IL20RB: variants seen among roughly 807,000 people sequenced by gnomAD.
The protein encoded by IL20RB is interleukin 20 receptor subunit beta.
A neutral mutation model predicts 33.3 loss-of-function variants in IL20RB; 21 were observed. That is an observed-to-expected ratio of 0.63 (90% CI 0.45 to 0.91). The LOEUF (loss-of-function observed/expected upper bound fraction) is 0.91, where lower values mean the gene tolerates loss of function less well. IL20RB is among the 40% of genes least tolerant of loss of function. IL20RB has a pLI of 0.00. For missense variants in IL20RB, 345 were observed against 384.8 expected (o/e 0.90, Z 0.86); for synonymous variants, 147 against 146.8 (o/e 1.00, Z -0.01).
Position 136,982,210 on chromosome 3 carries a change from G to A in IL20RB, c.266G>A (p.Cys89Tyr). ...TSHIWIPSSW[C>Y]SLTEGPECDV... ...CACATCTGGATCCCCAGCAGCTGGTGCTCACTCACTGAAGGTCCTGAGTGT... is the reference window on the plus strand; with the variant it reads ...CACATCTGGATCCCCAGCAGCTGGTACTCACTCACTGAAGGTCCTGAGTGT... Residue 89 changes from cysteine to tyrosine, a missense_variant, in exon 3 of 7, where the codon TGC (cysteine) becomes TAC (tyrosine). Transcript: ENST00000329582. The A allele has an allele frequency of 6.2e-7, 1 of 1,603,388 alleles. No individual in the cohort carries two copies.
intron 6 of IL20RB, among the ~76,000 whole-genome samples, chr3:137,002,189 G>A (rs947152143): frequency 6.6e-6 from 1 of 152,150 alleles, no homozygotes; most frequent in African/African-American, 2.4e-5. Flanking sequence ...GGACATTTGG[G>A]TTGGTTCCAA....
intron 6 of IL20RB, among the ~76,000 whole-genome samples, chr3:137,004,563 A>T (rs1031649313): frequency 7.2e-5 from 11 of 152,098 alleles, no homozygotes; most frequent in African/African-American, 2.7e-4. Flanking sequence ...AGAGGTGTTT[A>T]TAGTATTCTC....
chr3:136,985,205 G>A lies in IL20RB; in HGVS notation c.406+2855G>A, dbSNP rs374316789. Among the ~76,000 whole-genome samples, 25 of 152,256 alleles carry A rather than the reference G, an allele frequency of 1.6e-4. No homozygotes were observed. In the East Asian group the frequency reaches 2.7e-3, roughly 16 times the overall value. On this transcript the variant is annotated intron_variant, in intron 3 of 6. Transcript: ENST00000329582. The stretch of plus-strand genomic sequence containing the variant: ...ATCCAAGCAAATAGGCTGGGATGGT[G>A]TCATGATCTCTTAAGGGCATTAAGT...
In IL20RB at chr3:136,982,163, G is replaced by A; in HGVS notation, c.219G>A (p.Glu73=). ...TGTGCCCTCCTCTCTTTGACAGGGAGTACGAGAGCCTGTACACGAGCCACA... is the reference window on the plus strand; with the variant it reads ...TGTGCCCTCCTCTCTTTGACAGGGAATACGAGAGCCTGTACACGAGCCACA... ...TVYYSVEYQG[E]YESLYTSHIW... Residue 73 remains glutamate (E), a synonymous_variant, in exon 3 of 7, where the codon GAG becomes GAA. Transcript: ENST00000329582. 1.3e-6 allele frequency: 2 copies of A among 1,566,960 alleles called. No homozygotes were observed. Among genetic ancestry groups the A allele is most frequent in the South Asian group, 1.2e-5 (1 of 86,192 alleles).
intron 6 of IL20RB, among the ~76,000 whole-genome samples, chr3:137,006,911 T>C (rs2107725638): frequency 6.6e-6 from 1 of 152,374 alleles, no homozygotes; most frequent in East Asian, 1.9e-4. Context: ...TGTGGTTATA[T>C]GTACCTTTCG....
intron 1 of IL20RB, among the ~76,000 whole-genome samples, chr3:136,964,024 C>G (rs1941307850): frequency 1.8e-5 from 1 of 56,676 alleles, no homozygotes; most frequent in East Asian, 7.5e-4. Flanking sequence ...GACATGAACT[C>G]ATCATTTTTT....
At chr3:136,981,166 G>C (rs954211581) in intron 2 of IL20RB, among the ~76,000 whole-genome samples, 1 of 152,050 alleles carries the variant, frequency 6.6e-6, no homozygotes, top group Non-Finnish European at 1.5e-5. Context: ...AAGGTTTCTG[G>C]ATTTTGAGAG....
rs780842459 is a variant in IL20RB at position 136,995,529 on chromosome 3, C to T, written c.798C>T (p.Cys266=). ...KMGRLLQYSC[C]PVVVLPDTLK... is the part of the protein sequence containing the mutation. ...GCCGGCTGCTCCAGTACTCCTGTTG[C>T]CCCGTGGTGGTCCTCCCAGACACCT... Residue 266 remains cysteine (C), a synonymous_variant, in exon 6 of 7, where the codon TGC becomes TGT. Transcript: ENST00000329582. 1.2e-6 allele frequency: 2 copies of T among 1,614,026 alleles called. No homozygotes were observed. The highest frequency in any genetic ancestry group is 2.7e-5 in the African/African-American group (2 of 74,924).
chr3:136,991,966 G>C lies in IL20RB; in HGVS notation c.560G>C (p.Gly187Ala), dbSNP rs760491097. ...CATGTCAAAATGGTGAGGAGTGGGG[G>C]TATTCCAGTGCACCTAGAAACCATG... ...EEHVKMVRSG[G>A]IPVHLETMEP... Residue 187 changes from glycine (G) to alanine (A), a missense_variant, in exon 5 of 7, where the codon GGT (glycine) becomes GCT (alanine). Gly to Ala is a moderately conservative substitution (Grantham distance 60, BLOSUM62 0). Transcript: ENST00000329582. 1 of 1,614,052 alleles carries C rather than the reference G, an allele frequency of 6.2e-7. No individual in the cohort carries two copies. Among genetic ancestry groups the C allele is most frequent in the Non-Finnish European group, 8.5e-7 (1 of 1,180,030 alleles).
chr3:136,971,654 G>T (rs1476466954), intron 1 of IL20RB, among the ~76,000 whole-genome samples: 1 of 152,156 alleles, frequency 6.6e-6, no homozygotes, highest in Non-Finnish European at 1.5e-5. Context: ...TGCTGCCAAT[G>T]ACATGATTCC....
intron 3 of IL20RB, among the ~76,000 whole-genome samples, chr3:136,986,256 T>A (rs762617446): frequency 5.7e-3 from 258 of 45,118 alleles, no homozygotes; most frequent in Non-Finnish European, 7.8e-3. Context: ...AATAAATAAA[T>A]AAAAATAAAA....
chr3:136,964,406 T>C (rs1264610394), intron 1 of IL20RB, among the ~76,000 whole-genome samples: 1 of 102,172 alleles, frequency 9.8e-6, no homozygotes, highest in Non-Finnish European at 2.0e-5. Context: ...TGAGATGATA[T>C]CTCATAGTGG....
At chr3:137,007,709 A>G (rs753804664) in intron 6 of IL20RB, among the ~76,000 whole-genome samples, 5 of 152,176 alleles carry the variant, frequency 3.3e-5, no homozygotes, top group Non-Finnish European at 5.9e-5. Flanking sequence ...TCCCTTGGCT[A>G]GGAAAGGGAA....
chr3:136,990,488 A>G (rs1377955045), intron 4 of IL20RB, among the ~76,000 whole-genome samples: 4 of 151,968 alleles, frequency 2.6e-5, no homozygotes, highest in Admixed American at 1.3e-4. Flanking sequence ...ACTCATGCCT[A>G]TGATGTGCCC....
At chr3:136,986,880 C>T (rs995192273) in intron 3 of IL20RB, 25 of 400,644 alleles carry the variant, frequency 6.2e-5, no homozygotes, top group Non-Finnish European at 8.9e-5. Flanking sequence ...GGTTCCTAGT[C>T]TCGCTGGCTC....
chr3:136,986,246 A>ATAAATAC, intron 3 of IL20RB, among the ~76,000 whole-genome samples: 2 of 142,616 alleles, frequency 1.4e-5, no homozygotes, highest in Non-Finnish European at 3.0e-5. Context: ...TAAATAAATA[A>ATAAATAC]ATAAATAAAT....
intron 6 of IL20RB, among the ~76,000 whole-genome samples, chr3:137,001,462 G>A (rs111305608): frequency 3.3e-5 from 5 of 152,220 alleles, no homozygotes; most frequent in South Asian, 4.1e-4. Context: ...CCCTCTCTCC[G>A]CTATGACTTT....
chr3:137,008,126 G>A (rs979116459), intron 6 of IL20RB, among the ~76,000 whole-genome samples: 1 of 152,116 alleles, frequency 6.6e-6, no homozygotes, highest in Non-Finnish European at 1.5e-5. Context: ...TCTTCTTGCT[G>A]TCACATTCTG....
rs555751127 is a variant in IL20RB at position 136,996,694 on chromosome 3, C to T, written c.825+1138C>T. Among the ~76,000 whole-genome samples, 4 of 152,334 alleles carry T rather than the reference C, an allele frequency of 2.6e-5. No individual in the cohort carries two copies. In the South Asian group the frequency reaches 8.3e-4, roughly 32 times the overall value. On this transcript the variant is annotated intron_variant, in intron 6 of 6. Coordinates refer to ENST00000329582, the MANE Select transcript of IL20RB (RefSeq NM_144717.4). Reference sequence around the variant, plus strand: ...ATAACGATGTTAGCTGATACTAGTACAGAGCTAAGTGCCAGATACTGTTCT... The same window carrying T: ...ATAACGATGTTAGCTGATACTAGTATAGAGCTAAGTGCCAGATACTGTTCT...
Sources: gnomAD v4.1 joint callset for allele counts (sites outside exome capture counted in the v4.1 genomes callset) on GRCh38, gnomAD v4.1.1 for gene constraint, MANE v1.5 for transcripts, NCBI Gene and HGNC (gene_info 2026-07-23, HGNC 2026-07-21) for gene names.